The following USF1 variants were observed in gnomAD, a reference collection of about 807,000 sequenced individuals.
The protein encoded by USF1 is upstream stimulatory factor 1.
In USF1, 22 loss-of-function variants were observed where a neutral mutation model predicts 46.3. That is an observed-to-expected ratio of 0.47 (90% CI 0.34 to 0.68). The LOEUF (loss-of-function observed/expected upper bound fraction) is 0.68, where lower values mean the gene tolerates loss of function less well. Among genes scored for constraint, USF1 ranks in the 30% least tolerant of loss-of-function variants. USF1 has a pLI of 0.01. For missense variants in USF1, 287 were observed against 399.3 expected, an observed-to-expected ratio of 0.72 and a Z score of 2.40; for synonymous variants, 150 against 147.0, an observed-to-expected ratio of 1.02 and a Z score of -0.15.
chr1:161,042,929 T>C (rs1239111509), intron 2 of USF1, 47 bp from the exon 3 acceptor site: 1 of 1,613,484 alleles, frequency 6.2e-7, no homozygotes, highest in South Asian at 1.1e-5. Context: ...AAGAAGTCAA[T>C]GAGAAGCTCA....
chr1:161,042,603 G>A lies in USF1; in HGVS notation c.126C>T (p.Phe42=), dbSNP rs753532389. Residue 42 remains phenylalanine, a synonymous_variant, in exon 4 of 11, where the codon TTC becomes TTT. Transcript: ENST00000368021. ...AIASIQSAAT[F]PDPNVKYVFR... ...AGACGTACTTGACGTTGGGGTCAGG[G>A]AAGGTGGCAGCTGACTGGATGCTGG... 1.2e-6 allele frequency: 2 copies of A among 1,614,256 alleles called. No homozygotes were observed. The highest frequency in any genetic ancestry group is 1.1e-5 in the South Asian group (1 of 91,090).
At chr1:161,042,936 C>T in intron 2 of USF1, 54 bp from the exon 3 acceptor site, 2 of 1,611,760 alleles carry the variant, frequency 1.2e-6, no homozygotes, top group Non-Finnish European at 1.7e-6. Flanking sequence ...CAATGAGAAG[C>T]TCACTGGCCC....
rs965737906 is a variant in USF1, at chr1:161,040,207, G to T, written c.838C>A (p.Gln280Lys). Residue 280 changes from glutamine to lysine, a missense_variant, in exon 10 of 11, where the codon CAA becomes AAA. Physicochemically the swap from Gln to Lys is moderately conservative, Grantham distance 53. Coordinates refer to ENST00000368021, the MANE Select transcript of USF1 (RefSeq NM_007122.5). This position sits in a 1 kb window ranked among gnomAD's most constrained non-coding sequence, Gnocchi z 4.0. The part of the protein sequence containing the change: ...QLQLDNDVLR[Q>K]QVEDLKNKNL... Reference sequence around the variant, plus strand: ...ACTGGGGGTAGGAGTCTGACCTGTTGTCGAAGCACGTCATTGTCCAGCTGC... The same window carrying T: ...ACTGGGGGTAGGAGTCTGACCTGTTTTCGAAGCACGTCATTGTCCAGCTGC... 6.2e-7 allele frequency: 1 copy of T among 1,614,006 alleles called. No individual in the cohort carries two copies. Among genetic ancestry groups the T allele is most frequent in the Non-Finnish European group, 8.5e-7 (1 of 1,180,040 alleles).
Position 161,040,072 on chromosome 1 carries a change from A to T in USF1, c.844-63T>A. The T allele has an allele frequency of 6.2e-7, 1 of 1,612,630 alleles. No individual in the cohort carries two copies. Among genetic ancestry groups the T allele is most frequent in the Non-Finnish European group, 8.5e-7 (1 of 1,178,748 alleles). ...AAAGCTGGCACTTCCAAGCCCCTGA[A>T]TGTATTCAGACATCCACTGGTGAGG... On this transcript the variant is annotated intron_variant, in intron 10 of 10. Coordinates refer to ENST00000368021, the MANE Select transcript of USF1 (RefSeq NM_007122.5). The surrounding 1 kb of genome is among the most constrained non-coding windows in gnomAD (Gnocchi z 4.0).
At chr1:161,043,581 G>A (rs1418720993) in intron 1 of USF1, among the ~76,000 whole-genome samples, 1 of 151,442 alleles carries the variant, frequency 6.6e-6, no homozygotes, top group Non-Finnish European at 1.5e-5. Flanking sequence ...CCAACTCCTG[G>A]TGGAGAGTGG....
intron 4 of USF1, 28 bp downstream of exon 4, chr1:161,042,527 C>A: frequency 6.2e-7 from 1 of 1,612,044 alleles, no homozygotes; most frequent in South Asian, 1.1e-5. Context: ...CCAGATAACA[C>A]CTGCAGCCAC....
intron 1 of USF1, among the ~76,000 whole-genome samples, chr1:161,043,943 C>CTT (rs58205070): frequency 0.26 from 28,252 of 110,118 alleles, 5,700 homozygotes; most frequent in African/African-American, 0.54. Context: ...ACATTTCTTT[C>CTT]TTTTTTTTTT....
Position 161,042,870 on chromosome 1 carries a change from T to A in USF1, c.21A>T (p.Thr7=). ...GCACTGTCCCCTCTTCCGTTTCAGC[T>A]GTTTTCTGCTGCCTGTTTGTGGTGA... is the stretch of plus-strand genomic sequence containing the variant. MKGQQK[T]AETEEGTVQI... is the part of the protein sequence containing the mutation. The change falls in exon 3 of 11, where the codon ACA becomes ACT. Residue 7 remains threonine, a synonymous_variant. Transcript: ENST00000368021. 6.2e-7 allele frequency: 1 copy of A among 1,614,218 alleles called. No individual in the cohort carries two copies. The highest frequency in any genetic ancestry group is 8.5e-7 in the Non-Finnish European group (1 of 1,180,042).
intron 1 of USF1, among the ~76,000 whole-genome samples, chr1:161,043,620 C>CTTT (rs34611572): frequency 6.7e-5 from 8 of 119,598 alleles, no homozygotes; most frequent in African/African-American, 1.2e-4. Flanking sequence ...AGAAACAACA[C>CTTT]TTTTTTTTTT....
At chr1:161,043,702 C>T (rs1390146482) in intron 1 of USF1, among the ~76,000 whole-genome samples, 4 of 150,174 alleles carry the variant, frequency 2.7e-5, no homozygotes, top group African/African-American at 7.4e-5. Flanking sequence ...CAGCTCACTG[C>T]AACCTCTGCC....
intron 2 of USF1, 113 bp downstream of exon 2, chr1:161,043,155 A>T (rs1557907229): frequency 1.3e-6 from 2 of 1,571,746 alleles, no homozygotes; most frequent in Non-Finnish European, 1.7e-6. Flanking sequence ...AGTAAGTGAT[A>T]GAGTAGAACC....
chr1:161,043,813 G>A (rs6427572), intron 1 of USF1, among the ~76,000 whole-genome samples: 42,394 of 150,754 alleles, frequency 0.28, 8,473 homozygotes, highest in African/African-American at 0.55. Flanking sequence ...TAGTAGAGAC[G>A]GGGTTTCACC....
intron 3 of USF1, 40 bp from the exon 4 acceptor site, chr1:161,042,710 G>A: frequency 6.2e-7 from 1 of 1,612,924 alleles, no homozygotes; most frequent in Non-Finnish European, 8.5e-7. Flanking sequence ...TGAGTTAACT[G>A]CCTTTCTACC....
intron 5 of USF1, 31 bp downstream of exon 5, chr1:161,042,085 T>G (rs1557906424): frequency 6.3e-7 from 1 of 1,584,504 alleles, no homozygotes. Context: ...TTCTCAGAAC[T>G]CTAGTGACCT....
Position 161,041,329 on chromosome 1 carries a change from A to C in USF1, c.555T>G (p.Tyr185Ter). The part of the protein sequence containing the change: ...QRSIAPRTHP[Y>*]SPKSEAPRTT... ...AAGAAACAAGGGTCACTCACGGGGAATAAGGGTGAGTCCTAGGGGCAATTG... is the reference window on the plus strand; with the variant it reads ...AAGAAACAAGGGTCACTCACGGGGACTAAGGGTGAGTCCTAGGGGCAATTG... Residue 185 changes from tyrosine to a stop codon, truncating the protein, a stop_gained, in exon 7 of 11, where the codon TAT becomes TAG. Coordinates refer to ENST00000368021, the MANE Select transcript of USF1 (RefSeq NM_007122.5). LOFTEE classifies it high-confidence loss of function. 1 of 1,612,234 alleles carries C rather than the reference A, an allele frequency of 6.2e-7. No individual in the cohort carries two copies. Among genetic ancestry groups the C allele is most frequent in the Non-Finnish European group, 8.5e-7 (1 of 1,178,846 alleles).
rs1424381054 is a variant in USF1, at chr1:161,042,139, G to A, written c.253C>T (p.Pro85Ser). The change falls in exon 5 of 11, where the codon CCT becomes TCT. Residue 85 changes from proline (P) to serine (S), a missense_variant. Physicochemically the swap from Pro to Ser is moderately conservative, Grantham distance 74 (BLOSUM62 -1). Transcript: ENST00000368021. The stretch of plus-strand genomic sequence containing the variant: ...ACCTGGGTCATGGATTGAGTGGCAG[G>A]GTAGCCACTGATGGCGCCAGTTCCC... ...TEGTGAISGY[P>S]ATQSMTQAVI... 1.2e-6 allele frequency: 2 copies of A among 1,613,680 alleles called. No individual in the cohort carries two copies. Among genetic ancestry groups the A allele is most frequent in the African/African-American group, 1.3e-5 (1 of 74,868 alleles).
Position 161,041,739 on chromosome 1 carries a change from T to C in USF1, c.384A>G (p.Ala128=), listed in dbSNP as rs1571048526. ...CTGTACTCCCCGATGTGGTACCCCC[T>C]GCCCCATCTCCCACTGCCGTGCTGG... ...YFPSTAVGDG[A]GGTTSGSTAA... Residue 128 remains alanine (A), a synonymous_variant, in exon 6 of 11, where the codon GCA becomes GCG. Coordinates refer to ENST00000368021, the MANE Select transcript of USF1 (RefSeq NM_007122.5). 3 of 1,614,090 alleles carry C rather than the reference T, an allele frequency of 1.9e-6. No individual in the cohort carries two copies. Among genetic ancestry groups the C allele is most frequent in the Non-Finnish European group, 2.5e-6 (3 of 1,179,974 alleles).
chr1:161,040,382 G>C lies in USF1; in HGVS notation c.715-52C>G, dbSNP rs781688306. 1 of 1,607,640 alleles carries C rather than the reference G, an allele frequency of 6.2e-7. No individual in the cohort carries two copies. ...AACTAGGATTTCAGATACCCAGCTT[G>C]CTTTCCAAAAGTAGGTTCACACTTT... On this transcript the variant is annotated intron_variant, in intron 9 of 10. Coordinates refer to ENST00000368021, the MANE Select transcript of USF1 (RefSeq NM_007122.5). The surrounding 1 kb of genome is among the most constrained non-coding windows in gnomAD (Gnocchi z 4.0).
chr1:161,044,337 A>G (rs1202487539), intron 1 of USF1, among the ~76,000 whole-genome samples: 1 of 152,204 alleles, frequency 6.6e-6, no homozygotes, highest in East Asian at 1.9e-4. Flanking sequence ...TGGCCCCACC[A>G]TCAAAAAATA....
Sources: gnomAD v4.1 joint callset for allele counts (sites outside exome capture counted in the v4.1 genomes callset) on GRCh38, gnomAD v4.1.1 for gene constraint, Gnocchi (gnomAD v3.1) non-coding constraint, MANE v1.5 for transcripts, NCBI Gene and HGNC (gene_info 2026-07-23, HGNC 2026-07-21) for gene names.